Variants in DOCK8 observed in about 807,000 individuals in gnomAD.
The protein encoded by DOCK8 is dedicator of cytokinesis 8.
Under a neutral mutation model 245.6 loss-of-function variants are expected in DOCK8, and 141 were observed. The observed-to-expected ratio is 0.57, with a 90% CI of 0.50 to 0.66. The LOEUF (loss-of-function observed/expected upper bound fraction) is 0.66. Among genes scored for constraint, DOCK8 ranks in the 30% least tolerant of loss-of-function variants. The pLI, the probability that DOCK8 is intolerant of heterozygous loss-of-function variation, is 0.00. For missense variants in DOCK8, 2,965 were observed against 2,603.4 expected, an observed-to-expected ratio of 1.14 and a Z score of -3.02; for synonymous variants, 1,168 against 970.2, an observed-to-expected ratio of 1.20 and a Z score of -3.79.
intron 14 of DOCK8, among the ~76,000 whole-genome samples, chr9:344,339 G>A (rs961629910): frequency 2.6e-5 from 4 of 152,188 alleles, no homozygotes; most frequent in African/African-American, 9.7e-5. Flanking sequence ...AATTTAGGAA[G>A]CATCTTGTCT....
At chr9:299,478 G>C (rs1407538334) in intron 4 of DOCK8, among the ~76,000 whole-genome samples, 1 of 152,064 alleles carries the variant, frequency 6.6e-6, no homozygotes, top group African/African-American at 2.4e-5. Flanking sequence ...ACCCAGGCTG[G>C]TCTCAAACTC....
intron 26 of DOCK8, among the ~76,000 whole-genome samples, chr9:401,118 C>T (rs1235630633): frequency 6.6e-6 from 1 of 152,012 alleles, no homozygotes; most frequent in Non-Finnish European, 1.5e-5. Flanking sequence ...CCCATCACCA[C>T]CACGTTCTCT....
upstream of DOCK8, chr9:214,411 A>C (rs180775811): frequency 7.1e-5 from 89 of 1,261,486 alleles, 1 homozygote; most frequent in African/African-American, 1.2e-3. Context: ...ATTGCTTGCA[A>C]AAGTTGATTT....
intron 40 of DOCK8, among the ~76,000 whole-genome samples, chr9:440,855 G>T (rs762151771): frequency 2.0e-5 from 3 of 152,004 alleles, no homozygotes; most frequent in African/African-American, 4.8e-5. Context: ...CACCTCAACC[G>T]CCCAAGTAGC....
At chr9:394,287 G>C (rs886918900) in intron 24 of DOCK8, among the ~76,000 whole-genome samples, 1 of 152,102 alleles carries the variant, frequency 6.6e-6, no homozygotes, top group Non-Finnish European at 1.5e-5. Flanking sequence ...CTGGGGTAGG[G>C]GCAAATGGAA....
chr9:330,420 C>T (rs2050957861), intron 9 of DOCK8, among the ~76,000 whole-genome samples: 2 of 152,084 alleles, frequency 1.3e-5, no homozygotes, highest in African/African-American at 4.8e-5. Flanking sequence ...TGTTAAATTT[C>T]CCATCTTAAA....
chr9:433,784 C>T lies in DOCK8; in HGVS notation c.4786-91C>T, dbSNP rs2056801097. 7 of 1,081,014 alleles carry T rather than the reference C, an allele frequency of 6.5e-6. No individual in the cohort carries two copies. In the South Asian group the frequency reaches 8.9e-5, roughly 14 times the overall value. The allele number at this position is 1,081,014 out of a possible 1,614,324, so 67.0% of individuals were successfully genotyped here. A position where few individuals can be genotyped will look rare whatever the true frequency, so the allele number is the denominator to read the frequency against. On this transcript the variant is annotated intron_variant, in intron 37 of 47. Coordinates refer to ENST00000432829, the MANE Select transcript of DOCK8 (RefSeq NM_203447.4). ...TCTGCTGCCCTCTGATCCAACCCTT[C>T]CCATGGCTTCCCCTTGCATTTCAAT... is the stretch of plus-strand genomic sequence containing the variant.
chr9:215,167 G>T, intron 1 of DOCK8, 138 bp downstream of exon 1: 5 of 1,496,504 alleles, frequency 3.3e-6, no homozygotes, highest in Non-Finnish European at 3.5e-6. Flanking sequence ...TGGGGCGCCC[G>T]GTTCCCGAGG....
intron 7 of DOCK8, 71 bp from the exon 8 acceptor site, chr9:325,600 C>G (rs2050730232): frequency 2.4e-6 from 3 of 1,240,554 alleles, no homozygotes; most frequent in Non-Finnish European, 2.4e-6. Flanking sequence ...GTTTATCTAT[C>G]TAGGTGTTTT....
At chr9:459,649 C>T (rs754412762) in intron 46 of DOCK8, 8 of 152,200 alleles carry the variant, frequency 5.3e-5, no homozygotes, top group Non-Finnish European at 1.2e-4. Context: ...GTTGGCTGGG[C>T]TCAGCTAAGC....
At chr9:257,921 A>T (rs1355656238) in intron 1 of DOCK8, among the ~76,000 whole-genome samples, 2 of 152,292 alleles carry the variant, frequency 1.3e-5, no homozygotes, top group Non-Finnish European at 1.5e-5. Context: ...TGGCCAGGGG[A>T]TGTTGATGTT....
At chr9:393,631 C>A (rs1214792192) in intron 24 of DOCK8, among the ~76,000 whole-genome samples, 1 of 152,162 alleles carries the variant, frequency 6.6e-6, no homozygotes, top group East Asian at 1.9e-4. Flanking sequence ...AAAGCATAAG[C>A]TAAAGCACAT....
chr9:413,717 C>T lies in DOCK8; in HGVS notation c.3531-1065C>T, dbSNP rs1352828569. ...ACAATTAAATACCACTTGATACCCA[C>T]GAAGATGGATATAATAAAAAAGACA... On this transcript the variant is annotated intron_variant, in intron 28 of 47. Coordinates refer to ENST00000432829, the MANE Select transcript of DOCK8 (RefSeq NM_203447.4). 3.9e-5 allele frequency among the ~76,000 whole-genome samples: 6 copies of T among 152,232 alleles called. No homozygotes were observed. In the East Asian group the frequency reaches 5.8e-4, roughly 15 times the overall value.
chr9:248,899 A>G (rs2047579391), intron 1 of DOCK8, among the ~76,000 whole-genome samples: 1 of 152,214 alleles, frequency 6.6e-6, no homozygotes, highest in Non-Finnish European at 1.5e-5. Context: ...AAGGATGGAC[A>G]TTTGTGGCCT....
At chr9:441,491 CCTTCCTCT>C (rs2057094002) in intron 41 of DOCK8, 74 bp downstream of exon 41, 2 of 1,603,884 alleles carry the variant, frequency 1.2e-6, no homozygotes, top group African/African-American at 2.7e-5. Context: ...GCTTAGCCAT[CCTTCCTCT>C]CCAGGGAGTG....
At chr9:401,324 C>T (rs2055089904) in intron 26 of DOCK8, among the ~76,000 whole-genome samples, 1 of 152,120 alleles carries the variant, frequency 6.6e-6, no homozygotes, top group Admixed American at 6.5e-5. Context: ...GAAGCCCCTC[C>T]CAGCATGAGA....
chr9:326,149 G>C (rs1173025055), intron 8 of DOCK8, among the ~76,000 whole-genome samples: 1 of 152,178 alleles, frequency 6.6e-6, no homozygotes, highest in Non-Finnish European at 1.5e-5. Context: ...TTGTCACAGA[G>C]TTCAGACCTT....
intron 15 of DOCK8, chr9:368,388 TAA>T (rs2053115582): frequency 5.9e-6 from 4 of 683,386 alleles, no homozygotes; most frequent in Non-Finnish European, 1.1e-5. Context: ...AAAAAAGTCA[TAA>T]AGTCTTTCCA....
intron 1 of DOCK8, among the ~76,000 whole-genome samples, chr9:224,380 A>T (rs895544186): frequency 6.6e-6 from 1 of 152,176 alleles, no homozygotes; most frequent in Admixed American, 6.5e-5. Flanking sequence ...TAAAAATTCT[A>T]CCTCATTGCT....
Sources: allele counts gnomAD v4.1 joint callset (sites outside exome capture counted in the v4.1 genomes callset), GRCh38; gene constraint gnomAD v4.1.1; transcripts MANE v1.5; gene names NCBI Gene and HGNC (gene_info 2026-07-23, HGNC 2026-07-21).